TRIM66: variants seen among roughly 807,000 people sequenced by gnomAD.
TRIM66 encodes the protein tripartite motif-containing protein 66.
A neutral mutation model predicts 148.2 loss-of-function variants in TRIM66; 99 were observed. The ratio of observed to expected loss-of-function variants is 0.67; its 90% confidence interval spans 0.57 to 0.79. The LOEUF (loss-of-function observed/expected upper bound fraction) is 0.79. Among genes scored for constraint, TRIM66 ranks in the 30% least tolerant of loss-of-function variants. The pLI is 0.00. For synonymous variants in TRIM66, 616 were observed against 635.9 expected (o/e 0.97, Z 0.47); for missense variants, 1,666 against 1,697.9 (o/e 0.98, Z 0.33).
Position 8,618,755 on chromosome 11 carries a change from G to T in TRIM66, c.4114C>A (p.His1372Asn). The change falls in exon 24 of 25, where the codon CAT becomes AAT. Residue 1372 changes from histidine (H) to asparagine (N), a missense_variant. Transcript: ENST00000646038. The stretch of plus-strand genomic sequence containing the variant: ...GGCTGGCAGTAACTCTTTACCATAT[G>T]TCGTCGCCGCCTCTTGGGTTGGATG... ...EGIQPKRRRR[H>N]MENERAKRMS... 6.5e-7 allele frequency: 1 copy of T among 1,549,704 alleles called. No homozygotes were observed. Among genetic ancestry groups the T allele is most frequent in the Admixed American group, 2.0e-5 (1 of 50,974 alleles).
At chr11:8,642,952 G>T in intron 13 of TRIM66, 57 bp downstream of exon 13, 1 of 1,235,398 alleles carries the variant, frequency 8.1e-7, no homozygotes, top group Non-Finnish European at 1.1e-6. Flanking sequence ...AGTAAGGTAA[G>T]CAATTAAGTC....
rs1276344481 is a variant in TRIM66, at chr11:8,666,162, C to T, written c.340+5624G>A. Reference sequence around the variant, plus strand: ...GACCAGCCTGGCCAATATGGCGAAACCCCATCTCTACTAAAAATACAAAAA... The same window carrying T: ...GACCAGCCTGGCCAATATGGCGAAATCCCATCTCTACTAAAAATACAAAAA... On this transcript the variant is annotated intron_variant, in intron 6 of 24. Transcript: ENST00000646038. Among the ~76,000 whole-genome samples the T allele has an allele frequency of 3.3e-5, 5 of 149,750 alleles. No individual in the cohort carries two copies. The South Asian group carries it at 8.5e-4, about 25-fold the overall frequency.
At chr11:8,651,374 G>A (rs748566564) in intron 7 of TRIM66, among the ~76,000 whole-genome samples, 1 of 152,078 alleles carries the variant, frequency 6.6e-6, no homozygotes, top group Non-Finnish European at 1.5e-5. Flanking sequence ...GGTGATAGTT[G>A]TTAAATACAG....
At chr11:8,620,949 G>A (rs1592002622) in intron 20 of TRIM66, 83 bp downstream of exon 20, 1 of 1,475,996 alleles carries the variant, frequency 6.8e-7, no homozygotes, top group South Asian at 1.4e-5. Context: ...CATCCTGGGA[G>A]CTCTGTGGGC....
At chr11:8,619,727 T>A (rs1034671899) in intron 22 of TRIM66, among the ~76,000 whole-genome samples, 192 bp from the exon 23 acceptor site, 1 of 152,192 alleles carries the variant, frequency 6.6e-6, no homozygotes, top group Non-Finnish European at 1.5e-5. Context: ...GAGGAATGTG[T>A]CACCTGTCAA....
At chr11:8,677,186 A>G (rs2039215896) in intron 3 of TRIM66, among the ~76,000 whole-genome samples, 1 of 152,142 alleles carries the variant, frequency 6.6e-6, no homozygotes, top group Admixed American at 6.5e-5. Flanking sequence ...TTTTAGGGAG[A>G]AAATGTGAGC....
chr11:8,622,365 C>CATATATATATATATATATATATAT (rs1217954064), intron 18 of TRIM66, among the ~76,000 whole-genome samples: 21 of 59,438 alleles, frequency 3.5e-4, no homozygotes, highest in Non-Finnish European at 5.9e-4. Context: ...CACACACACA[C>CATATATATATATATATATATATAT]ATATATATAT....
rs1326384291 is a variant in TRIM66, at chr11:8,617,869, T to C, written c.*75A>G. The C allele has an allele frequency of 7.1e-7, 1 of 1,399,146 alleles. No individual in the cohort carries two copies. The highest frequency in any genetic ancestry group is 1.4e-5 in the African/African-American group (1 of 69,908). 86.7% of individuals were successfully genotyped at this position (1,399,146 alleles called of 1,614,324 possible). A position where few individuals can be genotyped will look rare whatever the true frequency, so the allele number is the denominator to read the frequency against. ...TCTACCATCCACACTCTGAAGAGGA[T>C]AAGCTGCAAGATGGGGAGGAATGGT... On this transcript the variant is annotated 3_prime_UTR_variant, in exon 25 of 25. Coordinates refer to ENST00000646038, the MANE Select transcript of TRIM66 (RefSeq NM_001388022.1).
chr11:8,628,612 CAAAAAAAAAAAA>C (rs750649249), intron 15 of TRIM66, among the ~76,000 whole-genome samples: 1 of 80,640 alleles, frequency 1.2e-5, no homozygotes, highest in Non-Finnish European at 2.6e-5. Context: ...GACCCTGTCT[CAAAAAAAAAAAA>C]AAAAAAAAAA....
chr11:8,668,171 T>C (rs2038715507), intron 6 of TRIM66, among the ~76,000 whole-genome samples: 1 of 152,228 alleles, frequency 6.6e-6, no homozygotes, highest in Non-Finnish European at 1.5e-5. Context: ...TAGTGATTAG[T>C]GATGTTGAGC....
At chr11:8,635,422 G>C (rs1335249794) in intron 15 of TRIM66, among the ~76,000 whole-genome samples, 1 of 152,102 alleles carries the variant, frequency 6.6e-6, no homozygotes, top group East Asian at 1.9e-4. Context: ...TGCTATCCTT[G>C]AGCTTCACAC....
At chr11:8,658,642 C>T (rs571772135) in intron 6 of TRIM66, 6 of 369,356 alleles carry the variant, frequency 1.6e-5, no homozygotes, top group East Asian at 1.7e-4. Flanking sequence ...AACAGGCTCA[C>T]GCAGCAGCGG....
chr11:8,655,337 C>G (rs1407623363), intron 6 of TRIM66, among the ~76,000 whole-genome samples: 1 of 152,148 alleles, frequency 6.6e-6, no homozygotes, highest in Non-Finnish European at 1.5e-5. Flanking sequence ...GAGTTCTAGG[C>G]CCAGGGCTGG....
chr11:8,656,194 T>C (rs1402400778), intron 6 of TRIM66, among the ~76,000 whole-genome samples: 1 of 152,234 alleles, frequency 6.6e-6, no homozygotes. Flanking sequence ...AAAACAAAGT[T>C]TTACTTTAGA....
intron 6 of TRIM66, among the ~76,000 whole-genome samples, chr11:8,670,017 ATT>A (rs534807233): frequency 2.1e-5 from 3 of 141,580 alleles, no homozygotes; most frequent in Non-Finnish European, 3.1e-5. Context: ...GTTTTTATTT[ATT>A]TTTTTTTTTT....
At position 8,621,135 on chromosome 11, in the gene TRIM66, A is replaced by G; in HGVS notation, c.3442T>C (p.Phe1148Leu). Residue 1148 changes from phenylalanine to leucine, a missense_variant, in exon 20 of 25, where the codon TTC (phenylalanine) becomes CTC (leucine). By Grantham distance (22) the Phe-to-Leu change is conservative. This residue lies in a region of TRIM66 where 1,431 missense variants were observed against 1,412.4 expected (regional missense o/e 1.01). Coordinates refer to ENST00000646038, the MANE Select transcript of TRIM66 (RefSeq NM_001388022.1). ...GPPAPIENED[F>L]CAVCLNGGEL... ...CCGCCATTGAGGCAAACAGCACAGA[A>G]GTCCTCATTCTCTATTGGGGCTGGG... 1 of 1,551,722 alleles carries G rather than the reference A, an allele frequency of 6.4e-7. No individual in the cohort carries two copies. The highest frequency in any genetic ancestry group is 8.7e-7 in the Non-Finnish European group (1 of 1,146,984).
intron 23 of TRIM66, 175 bp from the exon 24 acceptor site, chr11:8,619,143 G>T: frequency 1.4e-6 from 1 of 730,772 alleles, no homozygotes; most frequent in African/African-American, 1.8e-5. Flanking sequence ...TCTTATAGCA[G>T]AAGTGACCCC....
At chr11:8,649,944 C>A in intron 7 of TRIM66, 57 bp from the exon 8 acceptor site, 1 of 1,524,520 alleles carries the variant, frequency 6.6e-7, no homozygotes, top group Non-Finnish European at 8.9e-7. Context: ...TCTGCCTCCA[C>A]AAGTGGTAAA....
chr11:8,617,990 GCT>G lies in TRIM66; in HGVS notation c.4131_4132del (p.Arg1377SerfsTer54). ...GGCCAGGCGAAATGACATTCTTTTT[GCT>G]CTTTCATTCTCCTGAAAGAAAAATA... On this transcript the variant is annotated frameshift_variant, in exon 25 of 25. Coordinates refer to ENST00000646038, the MANE Select transcript of TRIM66 (RefSeq NM_001388022.1). LOFTEE classifies it high-confidence loss of function. 1 of 1,551,612 alleles carries G rather than the reference GCT, an allele frequency of 6.4e-7. No individual in the cohort carries two copies. Among genetic ancestry groups the G allele is most frequent in the Non-Finnish European group, 8.7e-7 (1 of 1,146,966 alleles).
Sources: gnomAD v4.1 joint callset for allele counts (sites outside exome capture counted in the v4.1 genomes callset) on GRCh38, gnomAD v4.1.1 for gene constraint, gnomAD v4.1.1 regional missense constraint, MANE v1.5 for transcripts, NCBI Gene and HGNC (gene_info 2026-07-23, HGNC 2026-07-21) for gene names.